The following ADGRV1 variants were observed in gnomAD, a reference collection of about 807,000 sequenced individuals.
The protein encoded by ADGRV1 is G-protein coupled receptor 98.
ADGRV1 carries 359 observed loss-of-function variants against 596.2 expected under a neutral mutation model. The ratio of observed to expected loss-of-function variants is 0.60; its 90% CI spans 0.55 to 0.66. ADGRV1 has a LOEUF of 0.66. ADGRV1 is among the 30% of genes least tolerant of loss of function. The pLI is 0.00. For missense variants in ADGRV1, 7,274 were observed against 7,575.6 expected (o/e 0.96, Z 1.48); for synonymous variants, 2,681 against 2,679.2 (o/e 1.00, Z -0.02).
chr5:90,667,948 G>T (rs1392975609), intron 21 of ADGRV1, among the ~76,000 whole-genome samples: 1 of 151,996 alleles, frequency 6.6e-6, no homozygotes, highest in Non-Finnish European at 1.5e-5. Flanking sequence ...GCACCCACTT[G>T]AGGAGGCAGT....
At chr5:90,667,831 C>G (rs867601421) in intron 21 of ADGRV1, among the ~76,000 whole-genome samples, 160 of 152,226 alleles carry the variant, frequency 1.1e-3, no homozygotes, top group Non-Finnish European at 1.7e-3. Context: ...TTCTAACAGA[C>G]AGGACCCTCA....
In ADGRV1 at chr5:90,763,489, T is replaced by C. The variant is rs751038515; in HGVS notation, c.12285+20T>C. The C allele has an allele frequency of 2.5e-6, 4 of 1,577,120 alleles. No individual in the cohort carries two copies. In the East Asian group the frequency reaches 9.0e-5, roughly 36 times the overall value. On this transcript the variant is annotated intron_variant, in intron 59 of 89. Coordinates refer to ENST00000405460, the MANE Select transcript of ADGRV1 (RefSeq NM_032119.4). ...GATGAGGTATAGTCAGCATTAGCAC[T>C]CCTGTAATTTTTCCCCAATTTGTCT...
At chr5:90,861,371 G>A (rs1180133769) in intron 82 of ADGRV1, among the ~76,000 whole-genome samples, 1 of 151,796 alleles carries the variant, frequency 6.6e-6, no homozygotes, top group Non-Finnish European at 1.5e-5. Flanking sequence ...TTGCAGTGGT[G>A]TGATCTTGGC....
chr5:90,807,594 T>A lies in ADGRV1; in HGVS notation c.14837-8T>A. On this transcript the variant is annotated splice_region_variant and splice_polypyrimidine_tract_variant and intron_variant, in intron 72 of 89. Transcript: ENST00000405460. ...TACCCTACTTTGCTTTTTCATGTTT[T>A]CTTTCAGGGAGCCTTTCATTTTCCC... 1 of 1,607,428 alleles carries A rather than the reference T, an allele frequency of 6.2e-7. No homozygotes were observed. The highest frequency in any genetic ancestry group is 8.5e-7 in the Non-Finnish European group (1 of 1,175,822).
intron 1 of ADGRV1, among the ~76,000 whole-genome samples, chr5:90,612,235 G>A (rs1329882065): frequency 6.6e-6 from 1 of 152,058 alleles, no homozygotes; most frequent in East Asian, 1.9e-4. Flanking sequence ...ATTTAAAGTA[G>A]TCAAGAGAGC....
Position 90,980,815 on chromosome 5 carries a change from A to T in ADGRV1, c.17974-4529A>T, listed in dbSNP as rs1019704862. 2.0e-5 allele frequency among the ~76,000 whole-genome samples: 3 copies of T among 152,208 alleles called. No homozygotes were observed. In the South Asian group the frequency reaches 6.2e-4, roughly 31 times the overall value. On this transcript the variant is annotated intron_variant, in intron 84 of 89. Coordinates refer to ENST00000405460, the MANE Select transcript of ADGRV1 (RefSeq NM_032119.4). ...TAACATTAAATTATTGTGCAAATAT[A>T]ATGATCTGTTAATACTCTTAAGTTA... is the stretch of plus-strand genomic sequence containing the variant.
chr5:90,812,206 G>A (rs749567836), intron 74 of ADGRV1, among the ~76,000 whole-genome samples: 8 of 152,066 alleles, frequency 5.3e-5, no homozygotes, highest in Non-Finnish European at 1.0e-4. Context: ...GATTACAGGC[G>A]TGAGCCACTG....
chr5:90,810,437 G>A lies in ADGRV1; in HGVS notation c.15177G>A (p.Gln5059=). The change falls in exon 74 of 90, where the codon CAG becomes CAA. Residue 5059 remains glutamine, a synonymous_variant. Coordinates refer to ENST00000405460, the MANE Select transcript of ADGRV1 (RefSeq NM_032119.4). ...CACTGGAAGATTTTGAGCCTGTTCAGAATGGGGAACTGTTTTTTCAAAAAT... is the reference window on the plus strand; with the variant it reads ...CACTGGAAGATTTTGAGCCTGTTCAAAATGGGGAACTGTTTTTTCAAAAAT... ...AKPLEDFEPV[Q]NGELFFQKFQ... The A allele has an allele frequency of 6.2e-7, 1 of 1,613,862 alleles. No individual in the cohort carries two copies. Among genetic ancestry groups the A allele is most frequent in the Non-Finnish European group, 8.5e-7 (1 of 1,179,786 alleles).
intron 20 of ADGRV1, chr5:90,655,981 A>G (rs1031681741): frequency 2.6e-5 from 4 of 152,216 alleles, no homozygotes; most frequent in Non-Finnish European, 5.9e-5. Context: ...TCAAAATGAT[A>G]CATGTATATT....
At chr5:90,596,815 G>A (rs560105143) in intron 1 of ADGRV1, among the ~76,000 whole-genome samples, 40 of 147,674 alleles carry the variant, frequency 2.7e-4, no homozygotes, top group African/African-American at 9.5e-4. Context: ...GGGAGAGGGC[G>A]AGGGCGAGGG....
chr5:90,881,111 G>A (rs1418105650), intron 83 of ADGRV1, among the ~76,000 whole-genome samples: 2 of 152,208 alleles, frequency 1.3e-5, no homozygotes, highest in Non-Finnish European at 2.9e-5. Context: ...ACACCAATGT[G>A]AGAAGCTTCA....
intron 75 of ADGRV1, among the ~76,000 whole-genome samples, chr5:90,823,205 A>C (rs1358851644): frequency 6.6e-6 from 1 of 152,200 alleles, no homozygotes; most frequent in African/African-American, 2.4e-5. Flanking sequence ...GAGTGTATTC[A>C]AAGAAAACCA....
chr5:90,602,246 TGGAA>T (rs1483832249), intron 1 of ADGRV1, among the ~76,000 whole-genome samples: 1 of 152,180 alleles, frequency 6.6e-6, no homozygotes, highest in African/African-American at 2.4e-5. Context: ...GGTAGATAGA[TGGAA>T]GGAAGTAAGT....
chr5:91,074,707 G>A (rs1272667617), intron 86 of ADGRV1, among the ~76,000 whole-genome samples: 1 of 152,182 alleles, frequency 6.6e-6, no homozygotes, highest in African/African-American at 2.4e-5. Flanking sequence ...GGATTCCTGA[G>A]TCAAGTAGTA....
chr5:90,991,862 T>C (rs1396944414), intron 85 of ADGRV1, among the ~76,000 whole-genome samples: 1 of 152,230 alleles, frequency 6.6e-6, no homozygotes, highest in Non-Finnish European at 1.5e-5. Context: ...TAAATTACTT[T>C]AAAAGAGAAT....
intron 87 of ADGRV1, among the ~76,000 whole-genome samples, chr5:91,142,780 A>G (rs575187894): frequency 2.5e-4 from 38 of 152,338 alleles, no homozygotes; most frequent in Admixed American, 8.5e-4. Flanking sequence ...GTCTCACTGA[A>G]TGTTTGCTAA....
intron 86 of ADGRV1, among the ~76,000 whole-genome samples, chr5:91,088,344 T>C (rs1235388897): frequency 6.6e-6 from 1 of 152,166 alleles, no homozygotes; most frequent in Non-Finnish European, 1.5e-5. Flanking sequence ...CATGGTTATA[T>C]TAAAGCTGCT....
rs115084420 is a variant in ADGRV1 at position 90,808,988 on chromosome 5, C to A, written c.14973-1245C>A. Among the ~76,000 whole-genome samples the A allele has an allele frequency of 7.8e-3, 1,187 of 151,260 alleles. 15 individuals carry two copies. Among genetic ancestry groups the A allele is most frequent in the African/African-American group, 0.027 (1,133 of 41,210 alleles). On this transcript the variant is annotated intron_variant, in intron 73 of 89. Transcript: ENST00000405460. ...TTGAGATGGAGACTCGCTCTTTCGCCCAGGCCGGACTGTAGTGGTGCTAGC... is the reference window on the plus strand; with the variant it reads ...TTGAGATGGAGACTCGCTCTTTCGCACAGGCCGGACTGTAGTGGTGCTAGC...
Position 91,092,805 on chromosome 5 carries a change from A to G in ADGRV1, c.18311-9414A>G, listed in dbSNP as rs1050646925. The G allele has an allele frequency of 3.3e-5, 5 of 152,042 alleles. No individual in the cohort carries two copies. In the East Asian group the frequency reaches 5.8e-4, roughly 18 times the overall value. The allele number at this position is 152,042 out of a possible 1,614,324, so 9.4% of individuals were successfully genotyped here. A position where few individuals can be genotyped will look rare whatever the true frequency, so the allele number is the denominator to read the frequency against. The stretch of plus-strand genomic sequence containing the variant: ...GAAAAATACTACCCATATGAGAACA[A>G]TACAAGCAACAATTGCAGGGTATCT... On this transcript the variant is annotated intron_variant, in intron 86 of 89. Transcript: ENST00000405460.
Sources: allele counts gnomAD v4.1 joint callset (sites outside exome capture counted in the v4.1 genomes callset), GRCh38; gene constraint gnomAD v4.1.1; transcripts MANE v1.5; gene names NCBI Gene and HGNC (gene_info 2026-07-23, HGNC 2026-07-21).